Variants in SLC24A2 observed in about 807,000 individuals in gnomAD.
The protein encoded by SLC24A2 is solute carrier family 24 member 2.
In SLC24A2, 36 loss-of-function variants were observed where a neutral mutation model predicts 62.0. The observed-to-expected ratio is 0.58, with a 90% CI of 0.44 to 0.77. The LOEUF (loss-of-function observed/expected upper bound fraction) is 0.77, where lower values mean the gene tolerates loss of function less well. Ranked by LOEUF, SLC24A2 falls within the 30% of genes least tolerant of loss-of-function variation. SLC24A2 has a pLI of 0.00. For missense variants in SLC24A2, 846 were observed against 817.9 expected (o/e 1.03, Z -0.42); for synonymous variants, 358 against 294.0 (o/e 1.22, Z -2.23).
chr9:20,047,831 AG>A, the SLC24A2 span, among the ~76,000 whole-genome samples: 24 of 151,756 alleles, frequency 1.6e-4, no homozygotes, highest in African/African-American at 5.6e-4. Context: ...AGTTTTGGGG[AG>A]ACACAAACAT....
the SLC24A2 span, among the ~76,000 whole-genome samples, chr9:20,088,697 C>T: frequency 1.3e-5 from 2 of 151,982 alleles, no homozygotes; most frequent in Non-Finnish European, 2.9e-5. Context: ...AGCTACTCTA[C>T]AAAAAAAGGG....
the SLC24A2 span, among the ~76,000 whole-genome samples, chr9:20,062,089 C>T: frequency 3.9e-5 from 6 of 152,020 alleles, no homozygotes; most frequent in Non-Finnish European, 8.8e-5. Context: ...AATACCCAGG[C>T]GTGGTGGCAC....
chr9:19,547,408 T>C (rs990269312), intron 8 of SLC24A2, among the ~76,000 whole-genome samples: 5 of 152,162 alleles, frequency 3.3e-5, no homozygotes, highest in Admixed American at 6.5e-5. Flanking sequence ...CTCCGGATTG[T>C]GGCATCAGCC....
chr9:20,047,781 C>T, the SLC24A2 span, among the ~76,000 whole-genome samples: 1 of 151,404 alleles, frequency 6.6e-6, no homozygotes, highest in African/African-American at 2.4e-5. Context: ...AAAGCCCCAC[C>T]TCCTAATACC....
the SLC24A2 span, among the ~76,000 whole-genome samples, chr9:20,164,427 C>G: frequency 6.6e-6 from 1 of 152,090 alleles, no homozygotes; most frequent in African/African-American, 2.4e-5. Flanking sequence ...ATCAAAACCA[C>G]GATGAGATAC....
At chr9:20,240,222 A>T in the SLC24A2 span, among the ~76,000 whole-genome samples, 1 of 152,160 alleles carries the variant, frequency 6.6e-6, no homozygotes, top group Non-Finnish European at 1.5e-5. Context: ...AGAAGATGCT[A>T]TGAGATATGT....
the SLC24A2 span, among the ~76,000 whole-genome samples, chr9:20,251,122 G>A: frequency 0.4 from 60,788 of 152,032 alleles, 14,721 homozygotes; most frequent in African/African-American, 0.69. Context: ...TTTATATGAC[G>A]AGGAAAGCCA....
chr9:19,983,005 CT>C, the SLC24A2 span, among the ~76,000 whole-genome samples: 1 of 152,072 alleles, frequency 6.6e-6, no homozygotes, highest in African/African-American at 2.4e-5. Context: ...TAGAAGAGAA[CT>C]TCTTCAACAT....
the SLC24A2 span, among the ~76,000 whole-genome samples, chr9:20,055,223 T>C: frequency 1.1e-4 from 17 of 152,198 alleles, no homozygotes; most frequent in South Asian, 4.1e-4. Flanking sequence ...ACAGATCTAG[T>C]GCTCTCATGG....
intron 2 of SLC24A2, among the ~76,000 whole-genome samples, chr9:19,658,428 C>T (rs554602509): frequency 6.6e-6 from 1 of 152,318 alleles, no homozygotes; most frequent in East Asian, 1.9e-4. Context: ...GGTGGGGAAG[C>T]TGGCTCATTT....
the SLC24A2 span, among the ~76,000 whole-genome samples, chr9:19,842,913 T>C: frequency 6.6e-6 from 1 of 152,210 alleles, no homozygotes; most frequent in African/African-American, 2.4e-5. Context: ...TACTTTATAA[T>C]GTTTTTCCTA....
At chr9:19,619,792 G>T in intron 3 of SLC24A2, 100 bp from the exon 4 acceptor site, 3 of 878,190 alleles carry the variant, frequency 3.4e-6, no homozygotes, top group Non-Finnish European at 5.7e-6. Flanking sequence ...CATTTCTGTC[G>T]CATGATCACA....
the SLC24A2 span, among the ~76,000 whole-genome samples, chr9:20,244,504 A>G: frequency 6.6e-6 from 1 of 152,300 alleles, no homozygotes; most frequent in Non-Finnish European, 1.5e-5. Flanking sequence ...CAGATCTGTC[A>G]GATTTATGCT....
intron 2 of SLC24A2, among the ~76,000 whole-genome samples, chr9:19,748,079 C>T (rs777659318): frequency 2.0e-5 from 3 of 152,114 alleles, no homozygotes; most frequent in South Asian, 2.1e-4. Context: ...CTGCAAAATT[C>T]GTAAGTTCAC....
the SLC24A2 span, among the ~76,000 whole-genome samples, chr9:19,973,345 T>C: frequency 1.3e-5 from 2 of 152,170 alleles, no homozygotes; most frequent in Admixed American, 1.3e-4. Flanking sequence ...GGGAGAAAAA[T>C]AAGAAACACA....
the SLC24A2 span, among the ~76,000 whole-genome samples, chr9:20,043,622 CA>C: frequency 6.6e-6 from 1 of 152,192 alleles, no homozygotes; most frequent in South Asian, 2.1e-4. Context: ...GTGAGAAAGT[CA>C]CTGCAGATGT....
At chr9:20,024,870 G>A in the SLC24A2 span, among the ~76,000 whole-genome samples, 1 of 152,028 alleles carries the variant, frequency 6.6e-6, no homozygotes, top group South Asian at 2.1e-4. Context: ...TCAGTTTGTG[G>A]ACATCTGTTG....
At position 19,696,480 on chromosome 9, in the gene SLC24A2, G is replaced by A. The variant is rs994820792; in HGVS notation, c.931-74181C>T. ...CCATGCTTGTCCTTGGCTGTGTTTGGTATCCCTGAGTCTGGGAGGTTGGCA... is the reference window on the plus strand; with the variant it reads ...CCATGCTTGTCCTTGGCTGTGTTTGATATCCCTGAGTCTGGGAGGTTGGCA... On this transcript the variant is annotated intron_variant, in intron 2 of 10. Transcript: ENST00000341998. 2.6e-5 allele frequency among the ~76,000 whole-genome samples: 4 copies of A among 152,272 alleles called. 1 individual carries two copies. The South Asian group carries it at 8.3e-4, about 32-fold the overall frequency.
chr9:19,591,600 C>CCTT (rs1195275960), intron 5 of SLC24A2, among the ~76,000 whole-genome samples: 1 of 152,138 alleles, frequency 6.6e-6, no homozygotes, highest in Non-Finnish European at 1.5e-5. Flanking sequence ...TCACTTTGAC[C>CCTT]CTTCCTCCTT....
Sources: gnomAD v4.1 joint callset for allele counts (sites outside exome capture counted in the v4.1 genomes callset) on GRCh38, gnomAD v4.1.1 for gene constraint, MANE v1.5 for transcripts, NCBI Gene and HGNC (gene_info 2026-07-23, HGNC 2026-07-21) for gene names.